The following TRRAP variants were observed in gnomAD, a reference collection of about 807,000 sequenced individuals.
The protein encoded by TRRAP is transformation/transcription domain-associated protein.
TRRAP carries 41 observed loss-of-function variants against 438.8 expected under a neutral mutation model. The observed-to-expected ratio is 0.09, with a 90% confidence interval of 0.07 to 0.12. The LOEUF (loss-of-function observed/expected upper bound fraction) is 0.12, where lower values mean the gene tolerates loss of function less well. TRRAP is among the 10% of genes least tolerant of loss of function. The pLI, the probability that TRRAP is intolerant of heterozygous loss-of-function variation, is 1.00. For missense variants in TRRAP, 3,122 were observed against 5,055.1 expected (o/e 0.62, Z 11.60); for synonymous variants, 1,994 against 1,962.9 (o/e 1.02, Z -0.42).
chr7:98,908,090 G>GA lies in TRRAP; in HGVS notation c.1116-636dup, dbSNP rs1485971166. ...TCTCAACTTCAGTGCCACCTCAAAG[G>GA]AACTGTCCCTGGAACCCTGTTTAAG... On this transcript the variant is annotated intron_variant, in intron 13 of 72. Coordinates refer to ENST00000456197, the MANE Select transcript of TRRAP (RefSeq NM_001375524.1). This position sits in a 1 kb window ranked among gnomAD's most constrained non-coding sequence, Gnocchi z 4.1. Among the ~76,000 whole-genome samples the GA allele has an allele frequency of 2.0e-5, 3 of 152,168 alleles. No individual in the cohort carries two copies. Among genetic ancestry groups the GA allele is most frequent in the Non-Finnish European group, 4.4e-5 (3 of 68,040 alleles).
At chr7:98,893,373 T>G (rs987254258) in intron 5 of TRRAP, among the ~76,000 whole-genome samples, 5 of 152,190 alleles carry the variant, frequency 3.3e-5, no homozygotes, top group African/African-American at 1.2e-4. Flanking sequence ...GCTTAACCCC[T>G]GAGATATCAT....
Position 98,917,646 on chromosome 7 carries a change from C to T in TRRAP, c.2589C>T (p.Asp863=), listed in dbSNP as rs1789569488. The T allele has an allele frequency of 1.9e-6, 3 of 1,614,200 alleles. No homozygotes were observed. Among genetic ancestry groups the T allele is most frequent in the Non-Finnish European group, 2.5e-6 (3 of 1,180,050 alleles). The change falls in exon 20 of 73, where the codon GAC becomes GAT. Residue 863 remains aspartate, a synonymous_variant. Coordinates refer to ENST00000456197, the MANE Select transcript of TRRAP (RefSeq NM_001375524.1). ...ACCTGCAGCCCGACTTCCTCTACGA[C>T]CACATCCAGCCGGTGCGCGCAGAGC... ...VDNLQPDFLY[D]HIQPVRAELM... is the part of the protein sequence containing the mutation.
chr7:99,004,405 A>C lies in TRRAP; in HGVS notation c.10525A>C (p.Lys3509Gln). ...LMPKPTHYYI[K>Q]IARFMPRVEI... Reference sequence around the variant, plus strand: ...GCCAAAGCCAACGCATTATTACATCAAGATTGCACGGTGAGTGGGCCAGCC... The same window carrying C: ...GCCAAAGCCAACGCATTATTACATCCAGATTGCACGGTGAGTGGGCCAGCC... The change falls in exon 68 of 73, where the codon AAG (lysine) becomes CAG (glutamine). Residue 3509 changes from lysine to glutamine, a missense_variant. By Grantham distance (53) the Lys-to-Gln change is moderately conservative. Coordinates refer to ENST00000456197, the MANE Select transcript of TRRAP (RefSeq NM_001375524.1). 1 of 1,612,998 alleles carries C rather than the reference A, an allele frequency of 6.2e-7. No individual in the cohort carries two copies. Among genetic ancestry groups the C allele is most frequent in the Non-Finnish European group, 8.5e-7 (1 of 1,179,226 alleles).
intron 30 of TRRAP, 57 bp from the exon 31 acceptor site, chr7:98,942,892 C>G (rs1345637321): frequency 8.8e-6 from 14 of 1,583,012 alleles, no homozygotes; most frequent in Non-Finnish European, 1.2e-5. Context: ...ATAGTAGTTT[C>G]CACCAGTGGA....
intron 67 of TRRAP, among the ~76,000 whole-genome samples, chr7:98,996,295 C>T (rs1324205697): frequency 1.3e-5 from 2 of 152,232 alleles, no homozygotes; most frequent in African/African-American, 4.8e-5. Flanking sequence ...GTCTGGAACA[C>T]GTTGCTTCTT....
intron 48 of TRRAP, 149 bp from the exon 49 acceptor site, chr7:98,965,547 G>A: frequency 9.8e-7 from 1 of 1,019,150 alleles, no homozygotes; most frequent in South Asian, 1.5e-5. Flanking sequence ...AAGAACATAT[G>A]AGTGCTTCAA....
At chr7:99,003,253 C>T (rs973602075) in intron 67 of TRRAP, among the ~76,000 whole-genome samples, 1 of 152,170 alleles carries the variant, frequency 6.6e-6, no homozygotes, top group Non-Finnish European at 1.5e-5. Context: ...ATATGAGTGG[C>T]CTGAGAAATA....
chr7:98,972,970 C>T lies in TRRAP; in HGVS notation c.7839+1025C>T, dbSNP rs1364736479. On this transcript the variant is annotated intron_variant, in intron 53 of 72. Transcript: ENST00000456197. The stretch of plus-strand genomic sequence containing the variant: ...TAGCTCTCATGTTATGGGCCAGGCA[C>T]TTCTTTTGTTTGTTTGTTTGTTTGT... 2.0e-5 allele frequency among the ~76,000 whole-genome samples: 3 copies of T among 151,922 alleles called. No homozygotes were observed. In the South Asian group the frequency reaches 6.2e-4, roughly 32 times the overall value.
intron 24 of TRRAP, 114 bp from the exon 25 acceptor site, chr7:98,930,519 G>A (rs564107944): frequency 9.6e-6 from 13 of 1,356,008 alleles, no homozygotes; most frequent in African/African-American, 2.9e-5. Flanking sequence ...TGGAGGTTGC[G>A]GTGAGCCGAG....
At chr7:98,978,989 A>G in intron 58 of TRRAP, 85 bp downstream of exon 58, 5 of 1,562,572 alleles carry the variant, frequency 3.2e-6, no homozygotes, top group East Asian at 2.3e-5. Context: ...TTCCCTTAGA[A>G]CAAGCATTTT....
At chr7:98,978,368 G>T in intron 57 of TRRAP, 45 bp downstream of exon 57, 1 of 1,521,666 alleles carries the variant, frequency 6.6e-7, no homozygotes, top group South Asian at 1.2e-5. Context: ...TCAGTTAAGG[G>T]AACCAGGGAA....
At position 98,925,351 on chromosome 7, in the gene TRRAP, A is replaced by T. The variant is rs1419558378; in HGVS notation, c.2975+88A>T. 5 of 1,539,368 alleles carry T rather than the reference A, an allele frequency of 3.2e-6. No individual in the cohort carries two copies. The South Asian group carries it at 6.3e-5, about 19-fold the overall frequency. Reference sequence around the variant, plus strand: ...AGGGCCTCCCAGGTTTCCTGGTGCTAGGAGCAGGCTCCTTGAAGTCCAGCA... The same window carrying T: ...AGGGCCTCCCAGGTTTCCTGGTGCTTGGAGCAGGCTCCTTGAAGTCCAGCA... On this transcript the variant is annotated intron_variant, in intron 22 of 72. Coordinates refer to ENST00000456197, the MANE Select transcript of TRRAP (RefSeq NM_001375524.1).
chr7:98,951,122 T>C, intron 39 of TRRAP, 118 bp downstream of exon 39: 2 of 1,194,104 alleles, frequency 1.7e-6, no homozygotes, highest in Non-Finnish European at 2.2e-6. Context: ...ATAAGTTTGT[T>C]CCGCCAACAC....
intron 4 of TRRAP, 95 bp downstream of exon 4, chr7:98,890,540 G>A (rs1337972642): frequency 1.3e-5 from 11 of 855,746 alleles, no homozygotes; most frequent in South Asian, 5.0e-5. Context: ...ACTTAAAAAC[G>A]AAAGAGGTTT....
chr7:98,998,488 G>A (rs1793773577), intron 67 of TRRAP: 2 of 173,300 alleles, frequency 1.2e-5, no homozygotes, highest in African/African-American at 2.4e-5. Flanking sequence ...CTTGACGAAA[G>A]ATTAGGGAAA....
At chr7:98,933,879 G>A (rs1362155684) in intron 27 of TRRAP, among the ~76,000 whole-genome samples, 5 of 152,228 alleles carry the variant, frequency 3.3e-5, no homozygotes, top group African/African-American at 1.2e-4. Context: ...TTGAAGGTGT[G>A]GAAACTGAGG....
intron 46 of TRRAP, among the ~76,000 whole-genome samples, chr7:98,962,097 A>G (rs779697017): frequency 9.2e-5 from 14 of 152,112 alleles, no homozygotes; most frequent in Non-Finnish European, 1.5e-5. Flanking sequence ...TTTCAAGGAG[A>G]TTCTGTTAGC....
intron 60 of TRRAP, 127 bp from the exon 61 acceptor site, chr7:98,983,965 GT>G: frequency 8.2e-7 from 1 of 1,224,084 alleles, no homozygotes; most frequent in South Asian, 1.8e-5. Context: ...AGTAACGAGG[GT>G]TTATCACAGA....
chr7:98,959,794 G>T (rs1791796280), intron 45 of TRRAP, among the ~76,000 whole-genome samples: 1 of 152,068 alleles, frequency 6.6e-6, no homozygotes, highest in East Asian at 1.9e-4. Flanking sequence ...TGGGCATGAT[G>T]GTGTGAGCTT....
Sources: gnomAD v4.1 joint callset for allele counts (sites outside exome capture counted in the v4.1 genomes callset) on GRCh38, gnomAD v4.1.1 for gene constraint, Gnocchi (gnomAD v3.1) non-coding constraint, MANE v1.5 for transcripts, NCBI Gene and HGNC (gene_info 2026-07-23, HGNC 2026-07-21) for gene names.